The following ENOX1 variants were observed in gnomAD, a reference collection of about 807,000 sequenced individuals.
The protein encoded by ENOX1 is candidate growth-related and time keeping constitutive hydroquinone (NADH) oxidase.
Under a neutral mutation model 82.5 loss-of-function variants are expected in ENOX1, and 42 were observed. That is an observed-to-expected ratio of 0.51 (90% CI 0.40 to 0.66). The LOEUF is 0.66. Among genes scored for constraint, ENOX1 ranks in the 30% least tolerant of loss-of-function variants. ENOX1 has a pLI of 0.00. For missense variants in ENOX1, 608 were observed against 811.6 expected (o/e 0.75, Z 3.05); for synonymous variants, 271 against 282.2 (o/e 0.96, Z 0.40).
rs2057951604 is a variant in ENOX1 at position 43,470,286 on chromosome 13, A to ATATATACG, written c.-75+13722_-75+13723insCGTATATA. Among the ~76,000 whole-genome samples the ATATATACG allele has an allele frequency of 1.5e-4, 5 of 33,192 alleles. No homozygotes were observed. The South Asian group carries it at 3.2e-3, about 21-fold the overall frequency. The allele number at this position is 33,192 out of a possible 152,430, so 21.8% of individuals were successfully genotyped here. A position where few individuals can be genotyped will look rare whatever the true frequency, so the allele number is the denominator to read the frequency against. ...CATATATATACACATATATATACATATATATATACACATATATATACATAT... is the reference window on the plus strand; with the variant it reads ...CATATATATACACATATATATACATATATATACGTATATATACACATATATATACATAT... On this transcript the variant is annotated intron_variant, in intron 3 of 16. Transcript: ENST00000690772.
intron 2 of ENOX1, among the ~76,000 whole-genome samples, chr13:43,517,685 T>C (rs1179716873): frequency 1.3e-5 from 2 of 152,166 alleles, no homozygotes; most frequent in African/African-American, 2.4e-5. Flanking sequence ...TCTGCTACTA[T>C]GGTCTGAATG....
At chr13:43,424,627 C>T (rs1566186286) in intron 3 of ENOX1, among the ~76,000 whole-genome samples, 6 of 152,324 alleles carry the variant, frequency 3.9e-5, no homozygotes, top group African/African-American at 1.2e-4. Flanking sequence ...CAGTCATGAT[C>T]GCCCTGGGAC....
chr13:43,490,804 A>G (rs946751628), intron 2 of ENOX1, among the ~76,000 whole-genome samples: 1 of 152,206 alleles, frequency 6.6e-6, no homozygotes, highest in African/African-American at 2.4e-5. Flanking sequence ...TATGCTTTAT[A>G]AATTACCCCA....
At chr13:43,251,143 AC>A (rs1488219018) in intron 14 of ENOX1, among the ~76,000 whole-genome samples, 2 of 152,252 alleles carry the variant, frequency 1.3e-5, no homozygotes, top group Admixed American at 6.5e-5. Flanking sequence ...CACAGGCACA[AC>A]AATTAGACAA....
intron 12 of ENOX1, among the ~76,000 whole-genome samples, chr13:43,292,457 T>C (rs1466688720): frequency 6.6e-6 from 1 of 151,974 alleles, no homozygotes; most frequent in African/African-American, 2.4e-5. Context: ...TGAAAAATGA[T>C]CAAGAAAAAG....
intron 12 of ENOX1, among the ~76,000 whole-genome samples, chr13:43,272,024 C>A (rs2044715409): frequency 6.6e-6 from 1 of 151,830 alleles, no homozygotes; most frequent in South Asian, 2.1e-4. Flanking sequence ...TAGATTTTCC[C>A]CTTTTATTCC....
chr13:43,428,923 T>C (rs1211815912), intron 3 of ENOX1, among the ~76,000 whole-genome samples: 1 of 152,222 alleles, frequency 6.6e-6, no homozygotes, highest in Non-Finnish European at 1.5e-5. Flanking sequence ...CTATGTCAGT[T>C]ATCATGTGGG....
chr13:43,391,673 A>C (rs2052786577), intron 5 of ENOX1, among the ~76,000 whole-genome samples: 1 of 152,154 alleles, frequency 6.6e-6, no homozygotes, highest in African/African-American at 2.4e-5. Flanking sequence ...GGCTTCTACC[A>C]CAAAAGCTTA....
chr13:43,329,753 C>T (rs1396793545), intron 9 of ENOX1, among the ~76,000 whole-genome samples: 1 of 152,074 alleles, frequency 6.6e-6, no homozygotes, highest in Non-Finnish European at 1.5e-5. Context: ...AAAATAAAAT[C>T]CCACAAAACC....
At chr13:43,604,165 T>C (rs1026218225) in intron 2 of ENOX1, among the ~76,000 whole-genome samples, 3 of 151,094 alleles carry the variant, frequency 2.0e-5, no homozygotes, top group Non-Finnish European at 4.4e-5. Context: ...TTCATGTGTT[T>C]TTTGGCTGCA....
At chr13:43,259,068 T>C (rs1438613663) in intron 14 of ENOX1, among the ~76,000 whole-genome samples, 2 of 152,180 alleles carry the variant, frequency 1.3e-5, no homozygotes, top group Non-Finnish European at 2.9e-5. Flanking sequence ...TGGGTAACAG[T>C]AATGTCTAAC....
chr13:43,287,381 A>G (rs2045755847), intron 12 of ENOX1, among the ~76,000 whole-genome samples: 2 of 152,190 alleles, frequency 1.3e-5, no homozygotes, highest in Admixed American at 6.5e-5. Flanking sequence ...GACAGTTCAC[A>G]CTTGTGAGTA....
At chr13:43,755,081 TA>T (rs34738406) in intron 1 of ENOX1, among the ~76,000 whole-genome samples, 125,484 of 147,532 alleles carry the variant, frequency 0.85, 54,393 homozygotes, top group Non-Finnish European at 0.95. Context: ...CTCAGGAGAT[TA>T]AAAAAAAAAA....
At chr13:43,296,272 G>T (rs1355672545) in intron 12 of ENOX1, among the ~76,000 whole-genome samples, 4 of 152,222 alleles carry the variant, frequency 2.6e-5, no homozygotes, top group African/African-American at 9.7e-5. Flanking sequence ...CTGGAGCAGA[G>T]TGGACCCCTA....
intron 9 of ENOX1, among the ~76,000 whole-genome samples, chr13:43,341,174 G>C (rs1001139139): frequency 2.6e-5 from 4 of 152,100 alleles, no homozygotes; most frequent in Non-Finnish European, 5.9e-5. Context: ...GCGGGCGCCT[G>C]TAGTCCCAGC....
rs186321852 is a variant in ENOX1, at chr13:43,298,135, G to A, written c.1446+211C>T. On this transcript the variant is annotated intron_variant, in intron 12 of 16. Coordinates refer to ENST00000690772, the MANE Select transcript of ENOX1 (RefSeq NM_001347969.2). ...TTTTCCTTTATTTCCTACCTCCAGGGTGATTTCTTCAACATATTTTATTGG... is the reference window on the plus strand; with the variant it reads ...TTTTCCTTTATTTCCTACCTCCAGGATGATTTCTTCAACATATTTTATTGG... Among the ~76,000 whole-genome samples the A allele has an allele frequency of 5.3e-5, 8 of 152,202 alleles. No homozygotes were observed. The East Asian group carries it at 1.5e-3, about 29-fold the overall frequency.
chr13:43,480,412 G>C (rs192898333), intron 3 of ENOX1, among the ~76,000 whole-genome samples: 45 of 152,258 alleles, frequency 3.0e-4, no homozygotes, highest in African/African-American at 1.0e-3. Context: ...AGAGACTCAG[G>C]AAAGAACTGT....
intron 3 of ENOX1, chr13:43,458,379 A>G (rs2057321786): frequency 1.3e-5 from 2 of 152,238 alleles, no homozygotes; most frequent in African/African-American, 4.8e-5. Context: ...AAGTCAGAAT[A>G]TGAGATGATA....
chr13:43,750,891 T>C (rs962289523), intron 1 of ENOX1, among the ~76,000 whole-genome samples: 2 of 152,210 alleles, frequency 1.3e-5, no homozygotes, highest in Non-Finnish European at 2.9e-5. Context: ...TTAATCACTG[T>C]AGTTTAGCAT....
Sources: allele counts gnomAD v4.1 joint callset (sites outside exome capture counted in the v4.1 genomes callset), GRCh38; gene constraint gnomAD v4.1.1; transcripts MANE v1.5; gene names NCBI Gene and HGNC (gene_info 2026-07-23, HGNC 2026-07-21).